GALNT9: variants seen among roughly 807,000 people sequenced by gnomAD.
The protein encoded by GALNT9 is GalNAc transferase 9.
A neutral mutation model predicts 63.1 loss-of-function variants in GALNT9; 47 were observed. The ratio of observed to expected loss-of-function variants is 0.75; its 90% confidence interval spans 0.59 to 0.95. The LOEUF (loss-of-function observed/expected upper bound fraction) is 0.95. Ranked by LOEUF, GALNT9 falls within the 40% of genes least tolerant of loss-of-function variation. The probability of loss-of-function intolerance (pLI) is 0.00; values close to 1 mark genes in which losing one functional copy is unlikely to be tolerated. For synonymous variants in GALNT9, 396 were observed against 365.7 expected (o/e 1.08, Z -0.94); for missense variants, 829 against 874.8 (o/e 0.95, Z 0.66).
chr12:132,255,982 C>T (rs1486414883), intron 5 of GALNT9, among the ~76,000 whole-genome samples: 1 of 152,150 alleles, frequency 6.6e-6, no homozygotes, highest in African/African-American at 2.4e-5. Flanking sequence ...ACGCAATCCA[C>T]CCACCTGGGC....
intron 1 of GALNT9, among the ~76,000 whole-genome samples, chr12:132,287,017 C>T (rs559816621): frequency 1.4e-4 from 21 of 148,938 alleles, no homozygotes; most frequent in Admixed American, 5.5e-4. Flanking sequence ...CTTGTTCTTA[C>T]GCAATTGTCC....
chr12:132,289,655 C>T lies in GALNT9; in HGVS notation c.239-3225G>A, dbSNP rs549344231. 8.4e-4 allele frequency among the ~76,000 whole-genome samples: 128 copies of T among 152,334 alleles called. 2 individuals are homozygous for T. Among genetic ancestry groups the T allele is most frequent in the East Asian group, 7.7e-4 (4 of 5,188 alleles). On this transcript the variant is annotated intron_variant, in intron 1 of 10. Coordinates refer to ENST00000328957, the MANE Select transcript of GALNT9 (RefSeq NM_001122636.2). ...CACGCTGCTGCTCACAGCTTCCTTG[C>T]GGAGGAAGTGAGGGTTGCCAGGCCT... is the stretch of plus-strand genomic sequence containing the variant.
At chr12:132,277,756 G>C (rs1051866636) in intron 2 of GALNT9, 7 of 152,248 alleles carry the variant, frequency 4.6e-5, no homozygotes, top group African/African-American at 1.7e-4. Flanking sequence ...TGGGAAATGG[G>C]ATTCGTGCCA....
In GALNT9 at chr12:132,298,837, A is replaced by C. The variant is rs1470091849; in HGVS notation, c.239-12407T>G. Among the ~76,000 whole-genome samples, 5 of 134,742 alleles carry C rather than the reference A, an allele frequency of 3.7e-5. 1 individual carries two copies. The highest frequency in any genetic ancestry group is 3.0e-4 in the Admixed American group (4 of 13,502). 88.4% of individuals were successfully genotyped at this position (134,742 alleles called of 152,430 possible). ...GATAACTCACACCCATAACTAACCC[A>C]CTCTCACCACACCTAAACCATCCCT... On this transcript the variant is annotated intron_variant, in intron 1 of 10. Coordinates refer to ENST00000328957, the MANE Select transcript of GALNT9 (RefSeq NM_001122636.2).
At chr12:132,244,208 G>A (rs2136906341) in intron 6 of GALNT9, among the ~76,000 whole-genome samples, 84 of 134,496 alleles carry the variant, frequency 6.2e-4, no homozygotes, top group Non-Finnish European at 9.9e-4. Flanking sequence ...GGAGCTGGGG[G>A]ACTGGAAAGC....
At chr12:132,288,888 C>T (rs976000996) in intron 1 of GALNT9, among the ~76,000 whole-genome samples, 6 of 144,882 alleles carry the variant, frequency 4.1e-5, no homozygotes, top group African/African-American at 1.0e-4. Context: ...AGCGTGGTTT[C>T]GGACGGCTGC....
intron 5 of GALNT9, 68 bp downstream of exon 5, chr12:132,257,621 C>A: frequency 1.6e-6 from 2 of 1,276,834 alleles, no homozygotes; most frequent in Non-Finnish European, 2.2e-6. Context: ...CTCGTCCCCA[C>A]GCCCGCCTCG....
Position 132,238,252 on chromosome 12 carries a change from C to T in GALNT9, c.1077+9658G>A, listed in dbSNP as rs1453135138. ...GTCATCCCAGAGCCCATGAGGGACA[C>T]GGCCGGCTGCTGGGTCCCTCACGGC... On this transcript the variant is annotated intron_variant, in intron 6 of 10. Transcript: ENST00000328957. This position sits in a 1 kb window ranked among gnomAD's most constrained non-coding sequence, Gnocchi z 6.5. Among the ~76,000 whole-genome samples the T allele has an allele frequency of 7.9e-5, 12 of 152,102 alleles. No homozygotes were observed. The highest frequency in any genetic ancestry group is 4.6e-4 in the Admixed American group (7 of 15,292).
intron 3 of GALNT9, among the ~76,000 whole-genome samples, chr12:132,262,192 A>G (rs1879413825): frequency 6.6e-6 from 1 of 152,184 alleles, no homozygotes; most frequent in African/African-American, 2.4e-5. Flanking sequence ...CTGGGTCCTC[A>G]TGAGAAGAAG....
intron 1 of GALNT9, among the ~76,000 whole-genome samples, chr12:132,289,703 G>C (rs570146409): frequency 6.6e-6 from 1 of 152,212 alleles, no homozygotes; most frequent in Non-Finnish European, 1.5e-5. Flanking sequence ...GTTTTGAAGA[G>C]AGACGCTGCC....
At chr12:132,305,064 GAC>G (rs1464972263) in intron 1 of GALNT9, among the ~76,000 whole-genome samples, 1 of 76,298 alleles carries the variant, frequency 1.3e-5, no homozygotes, top group Non-Finnish European at 2.3e-5. Flanking sequence ...GAATCGCCCA[GAC>G]ACACCCTCAC....
In GALNT9 at chr12:132,197,030, C is replaced by A; in HGVS notation, c.*77G>T. 1 of 1,580,652 alleles carries A rather than the reference C, an allele frequency of 6.3e-7. No individual in the cohort carries two copies. Among genetic ancestry groups the A allele is most frequent in the Middle Eastern group, 2.0e-4 (1 of 4,922 alleles). On this transcript the variant is annotated 3_prime_UTR_variant, in exon 11 of 11. Transcript: ENST00000328957. ...GCCCTGTCCTGCTGTGTCTGCCGGGCACACCCCGGTCACTCAGCCACACTG... is the reference window on the plus strand; with the variant it reads ...GCCCTGTCCTGCTGTGTCTGCCGGGAACACCCCGGTCACTCAGCCACACTG...
intron 1 of GALNT9, among the ~76,000 whole-genome samples, chr12:132,293,132 TG>T (rs1880924179): frequency 6.6e-6 from 1 of 152,082 alleles, no homozygotes; most frequent in Non-Finnish European, 1.5e-5. Flanking sequence ...AACCTTTAGT[TG>T]CTGACTTGTG....
chr12:132,263,099 G>A (rs1166807826), intron 2 of GALNT9, among the ~76,000 whole-genome samples: 1 of 152,096 alleles, frequency 6.6e-6, no homozygotes, highest in African/African-American at 2.4e-5. Flanking sequence ...TCAGGAGCAC[G>A]TTGGGGACGG....
At chr12:132,272,930 C>G (rs1879921518) in intron 2 of GALNT9, 1 of 152,446 alleles carries the variant, frequency 6.6e-6, no homozygotes, top group Middle Eastern at 3.4e-3. Flanking sequence ...CCTTTGAGCT[C>G]GACGCCATGG....
At position 132,286,446 on chromosome 12, in the gene GALNT9, A is replaced by C; in HGVS notation, c.239-16T>G. On this transcript the variant is annotated splice_polypyrimidine_tract_variant and intron_variant, in intron 1 of 10. Transcript: ENST00000328957. This position sits in a 1 kb window ranked among gnomAD's most constrained non-coding sequence, Gnocchi z 7.4. ...TTGGCAAGGCCTGGGGGAAAGGAAG[A>C]GAGGGAGGTCAGGCAGGCCCAGGAC... 6.5e-7 allele frequency: 1 copy of C among 1,545,242 alleles called. No homozygotes were observed. The highest frequency in any genetic ancestry group is 8.7e-7 in the Non-Finnish European group (1 of 1,144,738).
Position 132,203,793 on chromosome 12 carries a change from C to T in GALNT9, c.1078-103G>A, listed in dbSNP as rs539342816. On this transcript the variant is annotated intron_variant, in intron 6 of 10. Transcript: ENST00000328957. Reference sequence around the variant, plus strand: ...GGCCAAGGGGCCCGGCCCTCTGTTCCTGGGGCACCCCCACCACCGACGGGC... The same window carrying T: ...GGCCAAGGGGCCCGGCCCTCTGTTCTTGGGGCACCCCCACCACCGACGGGC... The T allele has an allele frequency of 3.1e-6, 4 of 1,288,210 alleles. No individual in the cohort carries two copies. The African/African-American group carries it at 6.0e-5, about 19-fold the overall frequency. The allele number at this position is 1,288,210 out of a possible 1,614,324, so 79.8% of individuals were successfully genotyped here.
chr12:132,200,000 G>T (rs572568502), intron 8 of GALNT9, among the ~76,000 whole-genome samples: 1 of 152,216 alleles, frequency 6.6e-6, no homozygotes, highest in East Asian at 1.9e-4. Context: ...TGGATGTTAC[G>T]GCTGCTCTGG....
intron 7 of GALNT9, among the ~76,000 whole-genome samples, chr12:132,201,923 C>T (rs1011870706): frequency 9.5e-6 from 1 of 104,918 alleles, no homozygotes; most frequent in Non-Finnish European, 2.4e-5. Context: ...TAGGGACCAG[C>T]ACTCTCTGAC....
Sources: gnomAD v4.1 joint callset for allele counts (sites outside exome capture counted in the v4.1 genomes callset) on GRCh38, gnomAD v4.1.1 for gene constraint, Gnocchi (gnomAD v3.1) non-coding constraint, MANE v1.5 for transcripts, NCBI Gene and HGNC (gene_info 2026-07-23, HGNC 2026-07-21) for gene names.